The following TPD52L1 variants were observed in gnomAD, a reference collection of about 807,000 sequenced individuals.
The protein encoded by TPD52L1 is tumor protein D53.
TPD52L1 carries 18 observed loss-of-function variants against 28.7 expected under a neutral mutation model. The observed-to-expected ratio is 0.63, with a 90% CI of 0.43 to 0.93. The LOEUF is 0.93. TPD52L1 is among the 40% of genes least tolerant of loss of function. TPD52L1 has a pLI of 0.00. For missense variants in TPD52L1, 203 were observed against 254.8 expected (o/e 0.80, Z 1.39); for synonymous variants, 75 against 88.8 (o/e 0.84, Z 0.88).
intron 1 of TPD52L1, among the ~76,000 whole-genome samples, chr6:125,216,521 ATGTGTG>A (rs373408548): frequency 2.0e-4 from 13 of 66,212 alleles, no homozygotes; most frequent in African/African-American, 6.5e-4. Context: ...TAAATTCAGT[ATGTGTG>A]TGTATATATA....
intron 1 of TPD52L1, among the ~76,000 whole-genome samples, chr6:125,192,414 A>C (rs3806999): frequency 0.23 from 35,207 of 151,734 alleles, 5,020 homozygotes; most frequent in Admixed American, 0.38. Flanking sequence ...GAGGAGAAAC[A>C]GAGTTGCAGC....
In TPD52L1 at chr6:125,160,032, G is replaced by C. The variant is rs1790415462; in HGVS notation, c.19+6062G>C. ...GGAGTTCCCCTGAGTATGTCCTCTT[G>C]CCTGCCACCATGTGAGATGTGCCTT... On this transcript the variant is annotated intron_variant, in intron 1 of 6. Transcript: ENST00000534000. Among the ~76,000 whole-genome samples, 4 of 152,108 alleles carry C rather than the reference G, an allele frequency of 2.6e-5. 1 individual carries two copies. The South Asian group carries it at 8.3e-4, about 32-fold the overall frequency.
intron 1 of TPD52L1, among the ~76,000 whole-genome samples, chr6:125,165,815 A>T (rs774039994): frequency 1.3e-5 from 2 of 152,182 alleles, no homozygotes; most frequent in Non-Finnish European, 2.9e-5. Context: ...GTCACATGAG[A>T]TGTAATTCTT....
At chr6:125,175,706 C>G (rs927184264) in intron 1 of TPD52L1, among the ~76,000 whole-genome samples, 30 of 152,076 alleles carry the variant, frequency 2.0e-4, no homozygotes, top group Non-Finnish European at 3.7e-4. Flanking sequence ...CCAGGAAATG[C>G]TATAAACCAA....
intron 1 of TPD52L1, among the ~76,000 whole-genome samples, chr6:125,208,383 A>G (rs1431732759): frequency 6.6e-6 from 1 of 152,182 alleles, no homozygotes; most frequent in Non-Finnish European, 1.5e-5. Flanking sequence ...AAGAGGAGTA[A>G]AACTGCTATC....
intron 3 of TPD52L1, among the ~76,000 whole-genome samples, chr6:125,235,497 C>T (rs1229029154): frequency 6.6e-6 from 1 of 152,128 alleles, no homozygotes; most frequent in Non-Finnish European, 1.5e-5. Context: ...CAAAGCTGTC[C>T]TGGGCCACAT....
At chr6:125,202,687 A>ACT (rs1371746138) in intron 1 of TPD52L1, among the ~76,000 whole-genome samples, 1 of 152,074 alleles carries the variant, frequency 6.6e-6, no homozygotes, top group African/African-American at 2.4e-5. Context: ...TTTTCTTATA[A>ACT]TATAATAAGT....
intron 1 of TPD52L1, among the ~76,000 whole-genome samples, chr6:125,163,447 T>A (rs1410772697): frequency 1.3e-5 from 2 of 151,720 alleles, no homozygotes; most frequent in Non-Finnish European, 2.9e-5. Context: ...TTGGGCATGG[T>A]GATGCATGCA....
Position 125,262,821 on chromosome 6 carries a change from C to G in TPD52L1, c.487-13C>G. ...AACAACTAACTGCATTTTTGTGGAT[C>G]TGCTCATTTCAGACGAAAGTAGGCG... is the stretch of plus-strand genomic sequence containing the variant. On this transcript the variant is annotated splice_polypyrimidine_tract_variant and intron_variant, in intron 6 of 6. Transcript: ENST00000534000. 2 of 1,598,516 alleles carry G rather than the reference C, an allele frequency of 1.3e-6. No homozygotes were observed. The highest frequency in any genetic ancestry group is 1.8e-5 in the Admixed American group (1 of 55,618).
intron 1 of TPD52L1, among the ~76,000 whole-genome samples, chr6:125,176,505 A>G (rs1307029372): frequency 6.6e-6 from 1 of 152,178 alleles, no homozygotes; most frequent in Non-Finnish European, 1.5e-5. Context: ...CACTTTCAGA[A>G]ATAGCAGATT....
chr6:125,187,532 G>A (rs950325227), intron 1 of TPD52L1, among the ~76,000 whole-genome samples: 1 of 152,064 alleles, frequency 6.6e-6, no homozygotes, highest in Non-Finnish European at 1.5e-5. Context: ...CATCAAAAGA[G>A]CAATGTTTGA....
intron 1 of TPD52L1, among the ~76,000 whole-genome samples, chr6:125,205,802 G>C (rs892226818): frequency 6.6e-6 from 1 of 152,158 alleles, no homozygotes; most frequent in Admixed American, 6.5e-5. Flanking sequence ...TCAGAAGATG[G>C]CCACCTTGTA....
At chr6:125,196,000 T>C (rs1467782060) in intron 1 of TPD52L1, among the ~76,000 whole-genome samples, 3 of 152,204 alleles carry the variant, frequency 2.0e-5, no homozygotes, top group Non-Finnish European at 4.4e-5. Flanking sequence ...GAGCTCACAG[T>C]AATGCCCCTT....
At chr6:125,159,983 C>T (rs141071655) in intron 1 of TPD52L1, among the ~76,000 whole-genome samples, 9 of 152,256 alleles carry the variant, frequency 5.9e-5, no homozygotes, top group East Asian at 5.8e-4. Flanking sequence ...GCAAGTCTCA[C>T]GAGACATGAT....
chr6:125,192,171 GGACACTA>G (rs1235340713), intron 1 of TPD52L1, among the ~76,000 whole-genome samples: 5 of 152,174 alleles, frequency 3.3e-5, no homozygotes, highest in African/African-American at 1.2e-4. Flanking sequence ...CTGGCACTCA[GGACACTA>G]GACATTTAAC....
intron 6 of TPD52L1, among the ~76,000 whole-genome samples, chr6:125,257,646 G>A (rs1040274958): frequency 6.6e-6 from 1 of 152,192 alleles, no homozygotes; most frequent in African/African-American, 2.4e-5. Flanking sequence ...GGCTATCATA[G>A]AGGGAAAATT....
At chr6:125,198,462 T>C (rs562200753) in intron 1 of TPD52L1, among the ~76,000 whole-genome samples, 2 of 152,134 alleles carry the variant, frequency 1.3e-5, no homozygotes, top group Non-Finnish European at 2.9e-5. Flanking sequence ...GTAAGAGAGA[T>C]CTATTTACAA....
chr6:125,156,624 G>T (rs142006743), intron 1 of TPD52L1, among the ~76,000 whole-genome samples: 2,215 of 152,088 alleles, frequency 0.015, 67 homozygotes, highest in African/African-American at 0.05. Context: ...ACAAAAATTA[G>T]CTGGGTGTGG....
At chr6:125,188,429 T>A (rs1401915040) in intron 1 of TPD52L1, among the ~76,000 whole-genome samples, 6 of 152,132 alleles carry the variant, frequency 3.9e-5, no homozygotes, top group Non-Finnish European at 7.4e-5. Flanking sequence ...TATGTGAACA[T>A]TTAGATACAA....
Sources: gnomAD v4.1 joint callset for allele counts (sites outside exome capture counted in the v4.1 genomes callset) on GRCh38, gnomAD v4.1.1 for gene constraint, MANE v1.5 for transcripts, NCBI Gene and HGNC (gene_info 2026-07-23, HGNC 2026-07-21) for gene names.